TMEM260: variants seen among roughly 807,000 people sequenced by gnomAD.
TMEM260 encodes the protein transmembrane protein 260, also known as protein O-mannosyl-transferase TMEM260.
Under a neutral mutation model 88.9 loss-of-function variants are expected in TMEM260, and 82 were observed. The observed-to-expected ratio is 0.92, with a 90% CI of 0.77 to 1.11. The LOEUF (loss-of-function observed/expected upper bound fraction) is 1.11. Among genes scored for constraint, TMEM260 ranks in the 50% least tolerant of loss-of-function variants. The pLI is 0.00. For synonymous variants in TMEM260, 314 were observed against 309.3 expected (o/e 1.02, Z -0.16); for missense variants, 902 against 853.4 (o/e 1.06, Z -0.71).
rs946343856 is a variant in TMEM260, at chr14:56,647,952, G to A, written c.*455G>A. 6.4e-6 allele frequency: 1 copy of A among 156,198 alleles called. No homozygotes were observed. Among genetic ancestry groups the A allele is most frequent in the African/African-American group, 2.4e-5 (1 of 41,418 alleles). 9.7% of individuals were successfully genotyped at this position (156,198 alleles called of 1,614,324 possible). On this transcript the variant is annotated 3_prime_UTR_variant, in exon 16 of 16. Coordinates refer to ENST00000261556, the MANE Select transcript of TMEM260 (RefSeq NM_017799.4). ...AAAAAATGAATCATGTTAGGCTTTA[G>A]GTGAGAGTACATTTTTTACAAAGTA...
At chr14:56,653,279 G>GT (rs1224267427), downstream of TMEM260, among the ~76,000 whole-genome samples, 5 of 152,072 alleles carry the variant, frequency 3.3e-5, no homozygotes, top group African/African-American at 1.2e-4. Flanking sequence ...GGAACCTTCA[G>GT]TTTCATTTAA....
chr14:56,608,330 T>G (rs1483546665), intron 5 of TMEM260, among the ~76,000 whole-genome samples: 1 of 152,204 alleles, frequency 6.6e-6, no homozygotes, highest in East Asian at 1.9e-4. Flanking sequence ...GTTACTAAAG[T>G]AAGCAGTATT....
chr14:56,635,283 G>A (rs1372076254), intron 14 of TMEM260, among the ~76,000 whole-genome samples: 1 of 152,224 alleles, frequency 6.6e-6, no homozygotes. Flanking sequence ...TAAAGTGAGT[G>A]TAATCGATTG....
Position 56,621,544 on chromosome 14 carries a change from A to G in TMEM260, c.1240A>G (p.Arg414Gly), listed in dbSNP as rs1887919184. 6.2e-7 allele frequency: 1 copy of G among 1,603,920 alleles called. No individual in the cohort carries two copies. The highest frequency in any genetic ancestry group is 1.7e-5 in the Admixed American group (1 of 58,076). The part of the protein sequence containing the change: ...IYSNYSVCDQ[R>G]TNYVIDKFAK... ...CCTTTTATTTAGTGTTTGTGACCAA[A>G]GGACCAACTATGTGATTGATAAGTT... Residue 414 changes from arginine (R) to glycine (G), a missense_variant, in exon 11 of 16, where the codon AGG (arginine) becomes GGG (glycine). By Grantham distance (125) the Arg-to-Gly change is moderately radical (BLOSUM62 -2). Coordinates refer to ENST00000261556, the MANE Select transcript of TMEM260 (RefSeq NM_017799.4).
intron 15 of TMEM260, 43 bp downstream of exon 15, chr14:56,636,641 G>A: frequency 6.6e-7 from 1 of 1,524,932 alleles, no homozygotes; most frequent in Non-Finnish European, 9.1e-7. Context: ...TATTTGGTGG[G>A]AAGGTGATGG....
intron 1 of TMEM260, 139 bp downstream of exon 1, chr14:56,580,213 A>G (rs1885029791): frequency 4.5e-6 from 3 of 667,430 alleles, no homozygotes; most frequent in Non-Finnish European, 6.4e-6. Context: ...ACAGCGCACT[A>G]TTGTGTGTTC....
In TMEM260 at chr14:56,649,455, TATG is replaced by T. The variant is rs901830849; in HGVS notation, c.*1961_*1963del. On this transcript the variant is annotated 3_prime_UTR_variant, in exon 16 of 16. Transcript: ENST00000261556. ...CCATTTGAAAGAAATTGTGTAAGATTATGATATTCTCTTTTCTTTAAAAAAAAA... is the reference window on the plus strand; with the variant it reads ...CCATTTGAAAGAAATTGTGTAAGATTATATTCTCTTTTCTTTAAAAAAAAA... The T allele has an allele frequency of 1.6e-4, 25 of 152,210 alleles. No homozygotes were observed. The highest frequency in any genetic ancestry group is 6.0e-4 in the African/African-American group (25 of 41,440). 9.4% of individuals were successfully genotyped at this position (152,210 alleles called of 1,614,324 possible).
At position 56,596,381 on chromosome 14, in the gene TMEM260, A is replaced by AGTGTGTGTGTGT. The variant is rs376857460; in HGVS notation, c.345-7419_345-7408dup. On this transcript the variant is annotated intron_variant, in intron 3 of 15. Transcript: ENST00000261556. The stretch of plus-strand genomic sequence containing the variant: ...GGACACACACACATATATATGTGAG[A>AGTGTGTGTGTGT]GTGTGTGTGTGTGTGTGTGTGTGTG... Among the ~76,000 whole-genome samples the AGTGTGTGTGTGT allele has an allele frequency of 9.5e-3, 1,196 of 126,530 alleles. 14 individuals are homozygous for AGTGTGTGTGTGT. The highest frequency in any genetic ancestry group is 0.023 in the Middle Eastern group (5 of 222). The allele number at this position is 126,530 out of a possible 152,430, so 83.0% of individuals were successfully genotyped here.
At chr14:56,637,664 T>C (rs1889216429) in intron 15 of TMEM260, among the ~76,000 whole-genome samples, 1 of 152,176 alleles carries the variant, frequency 6.6e-6, no homozygotes, top group African/African-American at 2.4e-5. Context: ...TAGACTGCTG[T>C]GGTTCTACTC....
At chr14:56,608,170 A>T (rs988397156) in intron 5 of TMEM260, among the ~76,000 whole-genome samples, 1 of 152,224 alleles carries the variant, frequency 6.6e-6, no homozygotes, top group Non-Finnish European at 1.5e-5. Context: ...TGTTTATTTG[A>T]AAATGCTAAC....
chr14:56,650,169 G>C (rs1195671503), downstream of TMEM260: 3 of 444,552 alleles, frequency 6.7e-6, no homozygotes, highest in African/African-American at 6.1e-5. Flanking sequence ...TGCAAGATTT[G>C]GCCAGCGTTC....
intron 7 of TMEM260, 44 bp from the exon 8 acceptor site, chr14:56,615,900 C>G (rs1379287780): frequency 7.5e-7 from 1 of 1,338,900 alleles, no homozygotes. Flanking sequence ...TGGAATCAAT[C>G]AAATTTGTTT....
intron 3 of TMEM260, among the ~76,000 whole-genome samples, chr14:56,593,894 AG>A (rs1371819288): frequency 6.6e-6 from 1 of 150,978 alleles, no homozygotes; most frequent in African/African-American, 2.4e-5. Context: ...TCACCTTGTT[AG>A]CCAGGATGGT....
At chr14:56,631,493 C>A (rs375361124) in intron 12 of TMEM260, among the ~76,000 whole-genome samples, 1 of 152,004 alleles carries the variant, frequency 6.6e-6, no homozygotes, top group African/African-American at 2.4e-5. Context: ...CATGGTGGTG[C>A]GTGCCTGTAA....
intron 15 of TMEM260, among the ~76,000 whole-genome samples, chr14:56,643,467 T>C (rs1004126634): frequency 2.0e-5 from 3 of 152,090 alleles, no homozygotes; most frequent in African/African-American, 7.2e-5. Context: ...CAACCCTTCA[T>C]GCTAAAAACT....
intron 6 of TMEM260, among the ~76,000 whole-genome samples, chr14:56,610,141 A>G (rs566434168): frequency 9.8e-5 from 15 of 152,316 alleles, no homozygotes; most frequent in South Asian, 4.1e-4. Context: ...AGTAGTTACT[A>G]CTGTGGGATA....
chr14:56,634,792 A>G (rs1341961228), intron 13 of TMEM260, 107 bp from the exon 14 acceptor site: 40 of 957,588 alleles, frequency 4.2e-5, no homozygotes, highest in Non-Finnish European at 6.4e-5. Context: ...CAGTGAGCCA[A>G]GATCGCACCA....
intron 15 of TMEM260, among the ~76,000 whole-genome samples, chr14:56,643,268 C>G (rs761968178): frequency 3.3e-5 from 5 of 152,198 alleles, no homozygotes; most frequent in Non-Finnish European, 7.3e-5. Context: ...CAATAAAATA[C>G]TGGCAAACCG....
intron 6 of TMEM260, among the ~76,000 whole-genome samples, chr14:56,610,463 C>T (rs1177370776): frequency 6.6e-6 from 1 of 152,036 alleles, no homozygotes; most frequent in Non-Finnish European, 1.5e-5. Context: ...AGGATGGTCT[C>T]GATCTCCTGA....
Sources: gnomAD v4.1 joint callset for allele counts (sites outside exome capture counted in the v4.1 genomes callset) on GRCh38, gnomAD v4.1.1 for gene constraint, MANE v1.5 for transcripts, NCBI Gene and HGNC (gene_info 2026-07-23, HGNC 2026-07-21) for gene names.